GIGYF2: variants seen among roughly 807,000 people sequenced by gnomAD.
GIGYF2 encodes the protein GRB10 interacting GYF protein 2, also known as GRB10-interacting GYF protein 2.
In GIGYF2, 25 loss-of-function variants were observed where a neutral mutation model predicts 208.1. That is an observed-to-expected ratio of 0.12 (90% CI 0.09 to 0.17). The LOEUF is 0.17. Among genes scored for constraint, GIGYF2 ranks in the 10% least tolerant of loss-of-function variants. The pLI, the probability that GIGYF2 is intolerant of heterozygous loss-of-function variation, is 1.00. For synonymous variants in GIGYF2, 534 were observed against 543.8 expected (o/e 0.98, Z 0.25); for missense variants, 1,302 against 1,579.4 (o/e 0.82, Z 2.98).
Position 232,702,010 on chromosome 2 carries a change from A to T in GIGYF2, c.-109-1414A>T, listed in dbSNP as rs549524155. 4.3e-4 allele frequency among the ~76,000 whole-genome samples: 65 copies of T among 152,248 alleles called. No individual in the cohort carries two copies. In the South Asian group the frequency reaches 9.7e-3, roughly 23 times the overall value. On this transcript the variant is annotated intron_variant, in intron 1 of 28. Transcript: ENST00000373563. ...ACCCCCATCTCTAAAAAAGATTTTT[A>T]AAAAATTAGCTGAGTATGGTGGTGC...
chr2:232,790,697 G>A lies in GIGYF2; in HGVS notation c.713-1G>A. The A allele has an allele frequency of 1.2e-6, 2 of 1,612,728 alleles. No homozygotes were observed. Among genetic ancestry groups the A allele is most frequent in the African/African-American group, 1.3e-5 (1 of 74,972 alleles). On this transcript the variant is annotated splice_acceptor_variant, in intron 9 of 28. Transcript: ENST00000373563. LOFTEE classifies it high-confidence loss of function. ...GGTTTGTGTCCTCCTTCTCATCTCAGATGGCCCTCGTTCTGCAGGCTGGCG... is the reference window on the plus strand; with the variant it reads ...GGTTTGTGTCCTCCTTCTCATCTCAAATGGCCCTCGTTCTGCAGGCTGGCG...
chr2:232,730,601 T>G (rs1697428241), intron 2 of GIGYF2, among the ~76,000 whole-genome samples: 1 of 103,540 alleles, frequency 9.7e-6, no homozygotes, highest in Non-Finnish European at 1.9e-5. Flanking sequence ...CGAGACTCAG[T>G]CTTAAAAAAA....
At position 232,860,298 on chromosome 2, in the gene GIGYF2, G is replaced by T. The variant is rs923137102; in HGVS notation, c.*3438G>T. The T allele has an allele frequency of 2.7e-5, 4 of 149,362 alleles. No individual in the cohort carries two copies. Among genetic ancestry groups the T allele is most frequent in the Admixed American group, 2.2e-4 (3 of 13,546 alleles). The allele number at this position is 149,362 out of a possible 1,614,324, so 9.3% of individuals were successfully genotyped here. ...AGCTATGTGCCAGTGCACCCAGCTT[G>T]TTTTTTTTAAATTTTAGGATAGATA... is the stretch of plus-strand genomic sequence containing the variant. On this transcript the variant is annotated 3_prime_UTR_variant, in exon 29 of 29. Coordinates refer to ENST00000373563, the MANE Select transcript of GIGYF2 (RefSeq NM_001103146.3).
Position 232,806,399 on chromosome 2 carries a change from C to T in GIGYF2, c.1640-92C>T. The T allele has an allele frequency of 3.3e-6, 3 of 903,326 alleles. No individual in the cohort carries two copies. The highest frequency in any genetic ancestry group is 3.8e-6 in the Non-Finnish European group (2 of 532,998). The allele number at this position is 903,326 out of a possible 1,614,324, so 56.0% of individuals were successfully genotyped here. A position where few individuals can be genotyped will look rare whatever the true frequency, so the allele number is the denominator to read the frequency against. ...GTATAAAACATTTTGACAGATGCCA[C>T]CTCGATGAGAATCAGATGCAGGAAA... On this transcript the variant is annotated intron_variant, in intron 14 of 28. Transcript: ENST00000373563. This position sits in a 1 kb window ranked among gnomAD's most constrained non-coding sequence, Gnocchi z 4.0.
rs1698194200 is a variant in GIGYF2 at position 232,747,632 on chromosome 2, G to T, written c.59G>T (p.Ser20Ile). The T allele has an allele frequency of 6.2e-6, 10 of 1,614,012 alleles. No homozygotes were observed. The highest frequency in any genetic ancestry group is 8.5e-6 in the Non-Finnish European group (10 of 1,179,892). The change falls in exon 4 of 29, where the codon AGT (serine) becomes ATT (isoleucine). Residue 20 changes from serine to isoleucine, a missense_variant. Ser to Ile is a moderately radical substitution (Grantham distance 142, BLOSUM62 -2). This residue lies in a region of GIGYF2 where 27 missense variants were observed against 59.5 expected (regional missense o/e 0.45). Coordinates refer to ENST00000373563, the MANE Select transcript of GIGYF2 (RefSeq NM_001103146.3). Reference protein sequence around the residue: ...FGPEWLRALSSGGSITSPPLS... With the variant: ...FGPEWLRALSIGGSITSPPLS... ...TATTCTAGGCTCCGAGCTCTGTCCA[G>T]TGGTGGGAGTATTACATCCCCTCCT...
At chr2:232,817,369 G>C (rs1191358928) in intron 20 of GIGYF2, among the ~76,000 whole-genome samples, 1 of 152,044 alleles carries the variant, frequency 6.6e-6, no homozygotes, top group Admixed American at 6.5e-5. Context: ...AGTTACATGG[G>C]CTTTAAAAAA....
At chr2:232,725,526 G>T (rs1207034297) in intron 2 of GIGYF2, among the ~76,000 whole-genome samples, 1 of 152,176 alleles carries the variant, frequency 6.6e-6, no homozygotes, top group Non-Finnish European at 1.5e-5. Context: ...TTGGGCCAAA[G>T]AATCTATGTC....
intron 1 of GIGYF2, among the ~76,000 whole-genome samples, chr2:232,702,855 T>C (rs1559369182): frequency 6.6e-6 from 1 of 152,178 alleles, no homozygotes; most frequent in Non-Finnish European, 1.5e-5. Context: ...AGTGCAGTGG[T>C]ACAGTTGCAG....
chr2:232,765,895 C>T, intron 8 of GIGYF2: 1 of 470,256 alleles, frequency 2.1e-6, no homozygotes, highest in South Asian at 1.6e-5. Flanking sequence ...TTATCAGTTT[C>T]CAAAGGAACG....
chr2:232,716,042 T>C (rs989771726), intron 2 of GIGYF2, among the ~76,000 whole-genome samples: 1 of 152,206 alleles, frequency 6.6e-6, no homozygotes, highest in Non-Finnish European at 1.5e-5. Context: ...CTAATATTCC[T>C]TTGTCTTGTG....
chr2:232,725,009 T>A (rs976883137), intron 2 of GIGYF2, among the ~76,000 whole-genome samples: 1 of 152,234 alleles, frequency 6.6e-6, no homozygotes, highest in Non-Finnish European at 1.5e-5. Context: ...ATATATCCAG[T>A]GTATTTTAAA....
At chr2:232,786,531 G>A (rs1699913149) in intron 8 of GIGYF2, among the ~76,000 whole-genome samples, 1 of 152,166 alleles carries the variant, frequency 6.6e-6, no homozygotes, top group Non-Finnish European at 1.5e-5. Context: ...GCCACCACGC[G>A]GCCTGCTTTT....
intron 21 of GIGYF2, among the ~76,000 whole-genome samples, chr2:232,831,906 A>G (rs1287632561): frequency 6.6e-6 from 1 of 152,218 alleles, no homozygotes; most frequent in Non-Finnish European, 1.5e-5. Context: ...CAGTTGGATC[A>G]CATGGCTACC....
chr2:232,813,551 A>T (rs1700806568), intron 18 of GIGYF2, among the ~76,000 whole-genome samples: 1 of 152,072 alleles, frequency 6.6e-6, no homozygotes, highest in African/African-American at 2.4e-5. Flanking sequence ...AGAGATGGAT[A>T]GTTTGGTCCA....
chr2:232,844,732 C>T (rs1347554516), intron 25 of GIGYF2, among the ~76,000 whole-genome samples, 158 bp downstream of exon 25: 1 of 152,168 alleles, frequency 6.6e-6, no homozygotes, highest in Non-Finnish European at 1.5e-5. Flanking sequence ...ATGGTGATTG[C>T]TTTCTTCCCC....
chr2:232,791,507 A>T, intron 12 of GIGYF2, 61 bp downstream of exon 12: 1 of 1,426,496 alleles, frequency 7.0e-7, no homozygotes, highest in Non-Finnish European at 9.8e-7. Context: ...GTGATCACTG[A>T]TAAGTTAGGC....
intron 9 of GIGYF2, chr2:232,788,499 G>A (rs1699983235): frequency 2.2e-6 from 1 of 461,084 alleles, no homozygotes; most frequent in Non-Finnish European, 4.5e-6. Flanking sequence ...CAGAGGGTTT[G>A]TAGACTATGT....
rs1574847081 is a variant in GIGYF2, at chr2:232,761,573, A to G, written c.532+137A>G. 6.4e-6 allele frequency: 4 copies of G among 626,896 alleles called. 1 individual carries two copies. In the South Asian group the frequency reaches 7.0e-5, roughly 11 times the overall value. 38.8% of individuals were successfully genotyped at this position (626,896 alleles called of 1,614,324 possible). ...TTATTTGAAGTCTCTACTGCATGAA[A>G]CCAGAGATGATGAATACAGCCATTA... On this transcript the variant is annotated intron_variant, in intron 8 of 28. Transcript: ENST00000373563.
chr2:232,856,310 A>G (rs1690568868), intron 28 of GIGYF2, among the ~76,000 whole-genome samples: 1 of 152,042 alleles, frequency 6.6e-6, no homozygotes, highest in African/African-American at 2.4e-5. Flanking sequence ...TTAAGAAAAT[A>G]AAAAATCTCT....
Sources: allele counts gnomAD v4.1 joint callset (sites outside exome capture counted in the v4.1 genomes callset), GRCh38; gene constraint gnomAD v4.1.1; regional missense constraint gnomAD v4.1.1; non-coding constraint Gnocchi (gnomAD v3.1); transcripts MANE v1.5; gene names NCBI Gene and HGNC (gene_info 2026-07-23, HGNC 2026-07-21).